BRSK2: variants seen among roughly 807,000 people sequenced by gnomAD.
BRSK2 encodes BR serine/threonine kinase 2, also known as serine/threonine-protein kinase BRSK2.
BRSK2 carries 19 observed loss-of-function variants against 83.3 expected under a neutral mutation model. That is an observed-to-expected ratio of 0.23 (90% CI 0.16 to 0.33). The LOEUF is 0.33. BRSK2 is among the 10% of genes least tolerant of loss of function. The pLI is 1.00. For synonymous variants in BRSK2, 519 were observed against 435.4 expected, an observed-to-expected ratio of 1.19 and a Z score of -2.39; for missense variants, 798 against 1,042.3, an observed-to-expected ratio of 0.77 and a Z score of 3.23.
At chr11:1,433,713 C>G (rs1849895413) in intron 1 of BRSK2, among the ~76,000 whole-genome samples, 1 of 152,260 alleles carries the variant, frequency 6.6e-6, no homozygotes, top group Admixed American at 6.5e-5. Flanking sequence ...GCTCTAGGCC[C>G]TCCTGAGTGC....
intron 1 of BRSK2, among the ~76,000 whole-genome samples, chr11:1,413,583 C>T (rs1281624423): frequency 6.6e-6 from 1 of 152,254 alleles, no homozygotes; most frequent in Non-Finnish European, 1.5e-5. Context: ...TTCCCCAAGC[C>T]AGGAAGGAAG....
chr11:1,395,271 C>T (rs557239612), intron 1 of BRSK2, among the ~76,000 whole-genome samples: 197 of 152,268 alleles, frequency 1.3e-3, no homozygotes, highest in South Asian at 7.9e-3. Context: ...TTCTCAGGGG[C>T]GCCGTGCACA....
intron 19 of BRSK2, 84 bp from the exon 20 acceptor site, chr11:1,460,416 C>G: frequency 7.8e-4 from 648 of 832,714 alleles, no homozygotes; most frequent in Non-Finnish European, 9.8e-4. Context: ...CTTTCTCTCT[C>G]CTTCCCTCCC....
intron 1 of BRSK2, among the ~76,000 whole-genome samples, chr11:1,421,468 G>A (rs1439910232): frequency 2.0e-5 from 3 of 152,204 alleles, no homozygotes; most frequent in African/African-American, 7.2e-5. Context: ...TAGGAGGCGG[G>A]AGCCAGGCAG....
intron 15 of BRSK2, chr11:1,453,874 C>G (rs181944208): frequency 6.6e-6 from 1 of 152,424 alleles, no homozygotes; most frequent in African/African-American, 2.4e-5. Context: ...GCCTGAGTCT[C>G]GGGCTGTGCT....
At position 1,448,710 on chromosome 11, in the gene BRSK2, TG is replaced by T. The variant is rs1852552091; in HGVS notation, c.1227-1063del. Among the ~76,000 whole-genome samples, 3 of 152,318 alleles carry T rather than the reference TG, an allele frequency of 2.0e-5. No homozygotes were observed. In the South Asian group the frequency reaches 6.2e-4, roughly 32 times the overall value. ...AAAGCTCTGGGTCCAGTTCCAGCCC[TG>T]GGTGTCATCCTGGCCCAGACAGGCT... On this transcript the variant is annotated intron_variant, in intron 12 of 19. Coordinates refer to ENST00000528841, the MANE Select transcript of BRSK2 (RefSeq NM_001256627.2).
At chr11:1,427,418 A>C (rs1849364618) in intron 1 of BRSK2, among the ~76,000 whole-genome samples, 1 of 152,164 alleles carries the variant, frequency 6.6e-6, no homozygotes, top group Non-Finnish European at 1.5e-5. Context: ...TGGCCGGCTC[A>C]GGAGCACCTG....
chr11:1,460,427 C>G lies in BRSK2; in HGVS notation c.1988-73C>G, dbSNP rs566854874. 96 of 985,198 alleles carry G rather than the reference C, an allele frequency of 9.7e-5. 1 individual carries two copies. In the East Asian group the frequency reaches 3.1e-3, roughly 32 times the overall value. 61.0% of individuals were successfully genotyped at this position (985,198 alleles called of 1,614,324 possible). A position where few individuals can be genotyped will look rare whatever the true frequency, so the allele number is the denominator to read the frequency against. On this transcript the variant is annotated intron_variant, in intron 19 of 19. Coordinates refer to ENST00000528841, the MANE Select transcript of BRSK2 (RefSeq NM_001256627.2). ...TTCTCTTTCTCTCTCCTTCCCTCCC[C>G]TCCTCTTTCTCTCCCCCTTTTTTTT... is the stretch of plus-strand genomic sequence containing the variant.
In BRSK2 at chr11:1,401,706, A is replaced by T. The variant is rs4991232; in HGVS notation, c.91+11331A>T. 1.4e-3 allele frequency among the ~76,000 whole-genome samples: 213 copies of T among 152,328 alleles called. 3 individuals carry two copies. The East Asian group carries it at 0.035, about 25-fold the overall frequency. ...CCAGAGCGGACTGTGGGGACACAGCAGGGAGTTTGCCGACTTTGAGGAGGA... is the reference window on the plus strand; with the variant it reads ...CCAGAGCGGACTGTGGGGACACAGCTGGGAGTTTGCCGACTTTGAGGAGGA... On this transcript the variant is annotated intron_variant, in intron 1 of 19. Coordinates refer to ENST00000528841, the MANE Select transcript of BRSK2 (RefSeq NM_001256627.2).
intron 1 of BRSK2, among the ~76,000 whole-genome samples, chr11:1,403,170 T>C (rs3934561): frequency 0.46 from 70,520 of 151,748 alleles, 16,982 homozygotes; most frequent in Middle Eastern, 0.54. Flanking sequence ...CCTCGGGGGG[T>C]CTGTGTCACG....
chr11:1,412,824 C>A (rs1309307024), intron 1 of BRSK2, among the ~76,000 whole-genome samples: 1 of 152,126 alleles, frequency 6.6e-6, no homozygotes, highest in South Asian at 2.1e-4. Context: ...CCTGGCCGCA[C>A]ACAGCAACCC....
intron 1 of BRSK2, among the ~76,000 whole-genome samples, chr11:1,420,833 C>T (rs1223939267): frequency 6.6e-6 from 1 of 152,228 alleles, no homozygotes; most frequent in Non-Finnish European, 1.5e-5. Flanking sequence ...CTCCATGTGG[C>T]ATCCAGCAGG....
rs764381252 is a variant in BRSK2 at position 1,443,074 on chromosome 11, G to A, written c.531-32G>A. ...GGGGGAGGGCCTGGCAGCGCCCGGA[G>A]CCCCGCCGCTGACCTCTGCCCTTGC... is the stretch of plus-strand genomic sequence containing the variant. On this transcript the variant is annotated intron_variant, in intron 5 of 19. Transcript: ENST00000528841. 4 of 1,526,300 alleles carry A rather than the reference G, an allele frequency of 2.6e-6. No homozygotes were observed. In the South Asian group the frequency reaches 3.6e-5, roughly 14 times the overall value. 94.5% of individuals were successfully genotyped at this position (1,526,300 alleles called of 1,614,324 possible).
chr11:1,447,895 C>T (rs926713147), intron 12 of BRSK2: 2 of 1,570,128 alleles, frequency 1.3e-6, no homozygotes, highest in Non-Finnish European at 1.7e-6. Flanking sequence ...CCCCGCACCT[C>T]CCAGCCCCAG....
At chr11:1,441,370 G>C (rs1227111097) in intron 4 of BRSK2, among the ~76,000 whole-genome samples, 1 of 28,802 alleles carries the variant, frequency 3.5e-5, no homozygotes, top group Non-Finnish European at 5.9e-5. Flanking sequence ...CAAGTGCACC[G>C]TGCCCCCCAT....
At position 1,428,340 on chromosome 11, in the gene BRSK2, C is replaced by G. The variant is rs568405030; in HGVS notation, c.92-7700C>G. On this transcript the variant is annotated intron_variant, in intron 1 of 19. Coordinates refer to ENST00000528841, the MANE Select transcript of BRSK2 (RefSeq NM_001256627.2). ...GGATCTATGGATGCGGCAGGCCCAC[C>G]CCCAGTGGCTCCATCCCCTCCGTAA... Among the ~76,000 whole-genome samples, 15 of 152,318 alleles carry G rather than the reference C, an allele frequency of 9.8e-5. No homozygotes were observed. In the South Asian group the frequency reaches 3.1e-3, roughly 32 times the overall value.
rs779622848 is a variant in BRSK2 at position 1,449,760 on chromosome 11, A to G, written c.1227-16A>G. Reference sequence around the variant, plus strand: ...CCCCCTGGCTGAGCAGTGGCCCTGTACCTTGTGACCTCCAGGTCTCGGTCC... The same window carrying G: ...CCCCCTGGCTGAGCAGTGGCCCTGTGCCTTGTGACCTCCAGGTCTCGGTCC... On this transcript the variant is annotated splice_polypyrimidine_tract_variant and intron_variant, in intron 12 of 19. Coordinates refer to ENST00000528841, the MANE Select transcript of BRSK2 (RefSeq NM_001256627.2). 6 of 1,610,440 alleles carry G rather than the reference A, an allele frequency of 3.7e-6. No homozygotes were observed. In the East Asian group the frequency reaches 8.9e-5, roughly 24 times the overall value.
Position 1,390,168 on chromosome 11 carries a change from C to CG in BRSK2, c.-112dup. On this transcript the variant is annotated 5_prime_UTR_variant, in exon 1 of 20. Coordinates refer to ENST00000528841, the MANE Select transcript of BRSK2 (RefSeq NM_001256627.2). The surrounding 1 kb of genome is among the most constrained non-coding windows in gnomAD (Gnocchi z 6.8). The stretch of plus-strand genomic sequence containing the variant: ...GGGCGGCGCGAAGCAGCGGGGCCCG[C>CG]GGGGGCGCCCCGGCCGGGTCGGCGC... 1 of 373,008 alleles carries CG rather than the reference C, an allele frequency of 2.7e-6. No individual in the cohort carries two copies. The highest frequency in any genetic ancestry group is 3.6e-6 in the Non-Finnish European group (1 of 274,098). 23.1% of individuals were successfully genotyped at this position (373,008 alleles called of 1,614,324 possible). A position where few individuals can be genotyped will look rare whatever the true frequency, so the allele number is the denominator to read the frequency against.
intron 1 of BRSK2, among the ~76,000 whole-genome samples, chr11:1,421,492 G>T (rs1383491982): frequency 1.3e-5 from 2 of 152,196 alleles, no homozygotes; most frequent in African/African-American, 2.4e-5. Flanking sequence ...CAGCGGAGCG[G>T]CTGCAGTGCG....
Sources: allele counts gnomAD v4.1 joint callset (sites outside exome capture counted in the v4.1 genomes callset), GRCh38; gene constraint gnomAD v4.1.1; non-coding constraint Gnocchi (gnomAD v3.1); transcripts MANE v1.5; gene names NCBI Gene and HGNC (gene_info 2026-07-23, HGNC 2026-07-21).